IQGAP2: variants seen among roughly 807,000 people sequenced by gnomAD.
IQGAP2 encodes the protein IQ motif containing GTPase activating protein 2.
Under a neutral mutation model 201.3 loss-of-function variants are expected in IQGAP2, and 173 were observed. That is an observed-to-expected ratio of 0.86 (90% CI 0.76 to 0.98). The LOEUF (loss-of-function observed/expected upper bound fraction) is 0.98, where lower values mean the gene tolerates loss of function less well. IQGAP2 is among the 50% of genes least tolerant of loss of function. The pLI, the probability that IQGAP2 is intolerant of heterozygous loss-of-function variation, is 0.00. For missense variants in IQGAP2, 1,687 were observed against 1,864.8 expected (o/e 0.90, Z 1.76); for synonymous variants, 675 against 673.9 (o/e 1.00, Z -0.03).
At chr5:76,517,018 G>T (rs1758372373) in intron 2 of IQGAP2, among the ~76,000 whole-genome samples, 1 of 152,126 alleles carries the variant, frequency 6.6e-6, no homozygotes, top group African/African-American at 2.4e-5. Context: ...GCAGCTGAAG[G>T]TAGAAATTAA....
At chr5:76,431,831 AAAAAG>A (rs1752385150) in intron 1 of IQGAP2, among the ~76,000 whole-genome samples, 1 of 151,876 alleles carries the variant, frequency 6.6e-6, no homozygotes, top group Non-Finnish European at 1.5e-5. Flanking sequence ...AAAAAAAAAA[AAAAAG>A]GAATGCCAGT....
chr5:76,545,328 C>A (rs4704329), intron 2 of IQGAP2, among the ~76,000 whole-genome samples: 10,659 of 152,188 alleles, frequency 0.07, 788 homozygotes, highest in East Asian at 0.42. Context: ...GCACCAGTTT[C>A]CACTACAATT....
chr5:76,650,527 A>G (rs527992342), intron 17 of IQGAP2, among the ~76,000 whole-genome samples: 1 of 152,340 alleles, frequency 6.6e-6, no homozygotes, highest in East Asian at 1.9e-4. Flanking sequence ...GTGGTAAGCT[A>G]AAATTTCCTT....
chr5:76,705,755 A>C (rs1417257834), intron 35 of IQGAP2, among the ~76,000 whole-genome samples: 1 of 152,228 alleles, frequency 6.6e-6, no homozygotes, highest in Non-Finnish European at 1.5e-5. Flanking sequence ...GCCAAGAGTC[A>C]GAGTTCTCTC....
At chr5:76,568,231 G>A (rs1464045605) in intron 3 of IQGAP2, among the ~76,000 whole-genome samples, 1 of 152,148 alleles carries the variant, frequency 6.6e-6, no homozygotes, top group African/African-American at 2.4e-5. Context: ...CATTTCATTT[G>A]TTGCAGAAAT....
chr5:76,705,493 A>G (rs1411258491), intron 35 of IQGAP2, among the ~76,000 whole-genome samples: 1 of 152,212 alleles, frequency 6.6e-6, no homozygotes, highest in Non-Finnish European at 1.5e-5. Context: ...GGACCCAGCT[A>G]CTTCCCCTAC....
intron 3 of IQGAP2, among the ~76,000 whole-genome samples, chr5:76,566,612 C>T (rs1371674332): frequency 1.3e-5 from 2 of 152,092 alleles, no homozygotes; most frequent in Non-Finnish European, 2.9e-5. Flanking sequence ...GCAGTTTGCG[C>T]TTCAGAAACA....
intron 3 of IQGAP2, among the ~76,000 whole-genome samples, chr5:76,566,939 A>C (rs1270114525): frequency 6.6e-6 from 1 of 152,020 alleles, no homozygotes; most frequent in Non-Finnish European, 1.5e-5. Context: ...GGTCCCAAGC[A>C]GACTGGGGCA....
chr5:76,478,462 G>C (rs151270429), intron 2 of IQGAP2, among the ~76,000 whole-genome samples: 1 of 152,098 alleles, frequency 6.6e-6, no homozygotes, highest in Non-Finnish European at 1.5e-5. Context: ...AGTAGTGTAC[G>C]GTAATGTCCT....
chr5:76,471,371 A>AC (rs1561396430), intron 2 of IQGAP2, among the ~76,000 whole-genome samples: 92 of 112,322 alleles, frequency 8.2e-4, no homozygotes, highest in African/African-American at 2.6e-3. Flanking sequence ...AAGCAAAAAA[A>AC]AAAAAAAAAA....
chr5:76,617,531 G>GA (rs1181294111), intron 13 of IQGAP2: 2 of 1,441,118 alleles, frequency 1.4e-6, no homozygotes, highest in African/African-American at 1.4e-5. Flanking sequence ...TGTTGTTCTT[G>GA]AAAACAGACG....
Position 76,406,825 on chromosome 5 carries a change from A to G in IQGAP2, c.46+3234A>G, listed in dbSNP as rs187318196. Among the ~76,000 whole-genome samples the G allele has an allele frequency of 6.7e-3, 795 of 118,112 alleles. 9 individuals are homozygous for G. The highest frequency in any genetic ancestry group is 0.021 in the African/African-American group (729 of 34,868). 77.5% of individuals were successfully genotyped at this position (118,112 alleles called of 152,430 possible). A position where few individuals can be genotyped will look rare whatever the true frequency, so the allele number is the denominator to read the frequency against. Reference sequence around the variant, plus strand: ...GCATAGGCAAGAACTGTGGTTTTCTACACTACAAGATTCAGAGCCTTCCTT... The same window carrying G: ...GCATAGGCAAGAACTGTGGTTTTCTGCACTACAAGATTCAGAGCCTTCCTT... On this transcript the variant is annotated intron_variant, in intron 1 of 35. Coordinates refer to ENST00000274364, the MANE Select transcript of IQGAP2 (RefSeq NM_006633.5).
intron 21 of IQGAP2, among the ~76,000 whole-genome samples, chr5:76,659,442 G>A (rs1053562523): frequency 6.6e-6 from 1 of 152,200 alleles, no homozygotes; most frequent in Non-Finnish European, 1.5e-5. Context: ...AGTGGCAAAT[G>A]AGGCAGGAAC....
chr5:76,681,367 G>T (rs909387186), intron 28 of IQGAP2, among the ~76,000 whole-genome samples: 18 of 151,818 alleles, frequency 1.2e-4, no homozygotes, highest in Middle Eastern at 3.2e-3. Context: ...GAATTCCTAC[G>T]AATCGACAAC....
At chr5:76,411,742 A>G (rs1203505496) in intron 1 of IQGAP2, among the ~76,000 whole-genome samples, 1 of 152,228 alleles carries the variant, frequency 6.6e-6, no homozygotes, top group East Asian at 1.9e-4. Context: ...TTCATCATAA[A>G]TGACCCAGTC....
chr5:76,567,926 T>A (rs1462788024), intron 3 of IQGAP2, among the ~76,000 whole-genome samples: 1 of 152,120 alleles, frequency 6.6e-6, no homozygotes, highest in African/African-American at 2.4e-5. Context: ...CTGAAAGAAA[T>A]TAGGTGTATG....
rs253093 is a variant in IQGAP2 at position 76,665,040 on chromosome 5, T to C, written c.2544T>C (p.His848=). The change falls in exon 22 of 36, where the codon CAT becomes CAC. Residue 848 remains histidine, a synonymous_variant. Transcript: ENST00000274364. ...NRITLEDVIS[H]SKKLNKKKGG... Reference sequence around the variant, plus strand: ...ATTTTTTACAGGATGTAATTTCACATAGTAAAAAGCTGAACAAGAAAAAAG... The same window carrying C: ...ATTTTTTACAGGATGTAATTTCACACAGTAAAAAGCTGAACAAGAAAAAAG... 0.99 allele frequency: 1,544,920 copies of C among 1,559,220 alleles called. 765,598 individuals carry two copies. Among genetic ancestry groups the C allele is most frequent in the Non-Finnish European group, 1 (1,128,679 of 1,132,938 alleles).
At chr5:76,621,890 A>ACT (rs939776219) in intron 13 of IQGAP2, among the ~76,000 whole-genome samples, 9 of 151,950 alleles carry the variant, frequency 5.9e-5, no homozygotes, top group Admixed American at 4.6e-4. Context: ...AAGAGAATGA[A>ACT]CTCCGGCCTC....
At chr5:76,603,180 A>G (rs1485289642) in intron 11 of IQGAP2, among the ~76,000 whole-genome samples, 1 of 152,070 alleles carries the variant, frequency 6.6e-6, no homozygotes, top group African/African-American at 2.4e-5. Context: ...CTGTGTTCCT[A>G]TGCGTGGTCC....
Sources: gnomAD v4.1 joint callset for allele counts (sites outside exome capture counted in the v4.1 genomes callset) on GRCh38, gnomAD v4.1.1 for gene constraint, MANE v1.5 for transcripts, NCBI Gene and HGNC (gene_info 2026-07-23, HGNC 2026-07-21) for gene names.